The following LARGE1 variants were observed in gnomAD, a reference collection of about 807,000 sequenced individuals.
LARGE1 encodes the protein LARGE xylosyl- and glucuronyltransferase 1, also known as xylosyl- and glucuronyltransferase LARGE1.
Under a neutral mutation model 87.6 loss-of-function variants are expected in LARGE1, and 43 were observed. The ratio of observed to expected loss-of-function variants is 0.49; its 90% confidence interval spans 0.38 to 0.63. The LOEUF is 0.63. LARGE1 is among the 30% of genes least tolerant of loss of function. LARGE1 has a pLI of 0.00. For synonymous variants in LARGE1, 434 were observed against 394.6 expected (o/e 1.10, Z -1.18); for missense variants, 802 against 1,000.2 (o/e 0.80, Z 2.67).
chr22:33,390,054 C>T (rs918091886), intron 7 of LARGE1, among the ~76,000 whole-genome samples: 2 of 152,170 alleles, frequency 1.3e-5, no homozygotes, highest in Non-Finnish European at 2.9e-5. Flanking sequence ...TTTCTTTCAT[C>T]AGACCACTTC....
intron 2 of LARGE1, chr22:33,725,833 C>T (rs913115685): frequency 3.3e-5 from 5 of 151,926 alleles, no homozygotes. Flanking sequence ...TTTTTTAAAA[C>T]AATATTTAAT....
chr22:33,771,184 T>C (rs1240019453), intron 1 of LARGE1, among the ~76,000 whole-genome samples: 1 of 151,892 alleles, frequency 6.6e-6, no homozygotes, highest in East Asian at 1.9e-4. Context: ...CTTTTTTTTT[T>C]TTTTGTATTC....
At chr22:33,800,276 G>A (rs2086119310) in intron 1 of LARGE1, among the ~76,000 whole-genome samples, 1 of 152,126 alleles carries the variant, frequency 6.6e-6, no homozygotes, top group South Asian at 2.1e-4. Flanking sequence ...GTACAGAGAG[G>A]TCCTGTGTAC....
intron 1 of LARGE1, among the ~76,000 whole-genome samples, chr22:33,793,529 A>G (rs949622278): frequency 7.9e-5 from 12 of 152,218 alleles, no homozygotes; most frequent in Non-Finnish European, 1.8e-4. Context: ...CAAATGTCCA[A>G]TTCCCACTCC....
At chr22:33,115,180 A>G in the LARGE1 span, among the ~76,000 whole-genome samples, 4,994 of 152,242 alleles carry the variant, frequency 0.033, 111 homozygotes, top group Middle Eastern at 0.099. Context: ...CCCCATTATG[A>G]CCATATTTGG....
At chr22:33,321,994 T>A (rs540851903) in intron 10 of LARGE1, among the ~76,000 whole-genome samples, 12 of 152,294 alleles carry the variant, frequency 7.9e-5, no homozygotes, top group African/African-American at 2.4e-4. Context: ...AATTTTTGTA[T>A]TTTTAGTAGA....
chr22:33,765,611 A>G (rs2084875665), intron 1 of LARGE1, among the ~76,000 whole-genome samples: 1 of 148,914 alleles, frequency 6.7e-6, no homozygotes, highest in African/African-American at 2.5e-5. Flanking sequence ...AGGCTGAGGC[A>G]GGAGAATCGT....
At chr22:33,428,224 T>C (rs2066947247) in intron 7 of LARGE1, among the ~76,000 whole-genome samples, 1 of 152,042 alleles carries the variant, frequency 6.6e-6, no homozygotes, top group South Asian at 2.1e-4. Context: ...GACCAAGATT[T>C]ACTAAGTACT....
At chr22:33,842,935 A>G (rs1481068207) in intron 1 of LARGE1, among the ~76,000 whole-genome samples, 1 of 145,192 alleles carries the variant, frequency 6.9e-6, no homozygotes, top group Admixed American at 6.6e-5. Flanking sequence ...AAACAAAACA[A>G]AACAAAACAA....
intron 9 of LARGE1, among the ~76,000 whole-genome samples, chr22:33,363,084 C>T (rs1041964211): frequency 1.3e-5 from 2 of 150,122 alleles, no homozygotes; most frequent in Non-Finnish European, 3.0e-5. Flanking sequence ...GGGGCTCCCG[C>T]TTTTCCCACA....
intron 5 of LARGE1, among the ~76,000 whole-genome samples, chr22:33,580,672 C>T (rs1420373995): frequency 2.6e-5 from 4 of 152,172 alleles, no homozygotes; most frequent in African/African-American, 9.7e-5. Flanking sequence ...GCAACACACA[C>T]ACTCTGGGAC....
At chr22:33,406,458 G>C (rs567883377) in intron 7 of LARGE1, among the ~76,000 whole-genome samples, 1 of 152,018 alleles carries the variant, frequency 6.6e-6, no homozygotes, top group Non-Finnish European at 1.5e-5. Flanking sequence ...CTACCACACC[G>C]AGACAGAGTT....
At chr22:33,596,147 A>G (rs950513957) in intron 5 of LARGE1, among the ~76,000 whole-genome samples, 9 of 152,236 alleles carry the variant, frequency 5.9e-5, no homozygotes, top group Non-Finnish European at 7.3e-5. Context: ...AAAGGGGACA[A>G]GAACCATTCA....
chr22:33,595,472 G>T (rs1205554574), intron 5 of LARGE1, among the ~76,000 whole-genome samples: 1 of 152,138 alleles, frequency 6.6e-6, no homozygotes, highest in Non-Finnish European at 1.5e-5. Context: ...TCTGTCTATG[G>T]GATGGAGACA....
intron 9 of LARGE1, among the ~76,000 whole-genome samples, chr22:33,378,188 A>C (rs1001187183): frequency 6.6e-6 from 1 of 152,160 alleles, no homozygotes; most frequent in East Asian, 1.9e-4. Context: ...GATTTATGTT[A>C]GTTTCTGCCA....
intron 2 of LARGE1, among the ~76,000 whole-genome samples, chr22:33,679,495 G>A (rs2081682585): frequency 6.6e-6 from 1 of 151,286 alleles, no homozygotes; most frequent in African/African-American, 2.4e-5. Flanking sequence ...CACACACGAA[G>A]AATGCCTTGT....
At chr22:33,541,355 C>T (rs750643163) in intron 6 of LARGE1, among the ~76,000 whole-genome samples, 36 of 151,704 alleles carry the variant, frequency 2.4e-4, no homozygotes, top group Non-Finnish European at 2.4e-4. Flanking sequence ...AAAGTTAAGA[C>T]GAAAAAGACT....
intron 11 of LARGE1, chr22:33,221,484 T>C (rs1009911924): frequency 3.3e-5 from 5 of 152,200 alleles, no homozygotes; most frequent in Non-Finnish European, 7.4e-5. Context: ...GTCACTATTC[T>C]GGAATTTAAA....
chr22:33,318,482 T>C (rs1345499873), intron 10 of LARGE1, among the ~76,000 whole-genome samples: 1 of 152,152 alleles, frequency 6.6e-6, no homozygotes, highest in Admixed American at 6.5e-5. Flanking sequence ...GGTGTATATG[T>C]GCCACATTTT....
Sources: allele counts gnomAD v4.1 joint callset (sites outside exome capture counted in the v4.1 genomes callset), GRCh38; gene constraint gnomAD v4.1.1; transcripts MANE v1.5; gene names NCBI Gene and HGNC (gene_info 2026-07-23, HGNC 2026-07-21).